The following ANKRD36C variants were observed in gnomAD, a reference collection of about 807,000 sequenced individuals.
ANKRD36C encodes ankyrin repeat domain-containing protein 36C.
In ANKRD36C, 61 loss-of-function variants were observed where a neutral mutation model predicts 276.4. The ratio of observed to expected loss-of-function variants is 0.22; its 90% CI spans 0.18 to 0.27. The LOEUF (loss-of-function observed/expected upper bound fraction) is 0.27, where lower values mean the gene tolerates loss of function less well. Among genes scored for constraint, ANKRD36C ranks in the 10% least tolerant of loss-of-function variants. The probability of loss-of-function intolerance (pLI) is 1.00; values close to 1 mark genes in which losing one functional copy is unlikely to be tolerated. For missense variants in ANKRD36C, 1,447 were observed against 2,032.3 expected, an observed-to-expected ratio of 0.71 and a Z score of 5.54; for synonymous variants, 483 against 680.1, an observed-to-expected ratio of 0.71 and a Z score of 4.51.
chr2:95,931,751 T>C (rs1403051172), intron 24 of ANKRD36C, among the ~76,000 whole-genome samples: 1 of 148,066 alleles, frequency 6.8e-6, no homozygotes. Flanking sequence ...AAGAGCAAAG[T>C]ACATTAGACA....
At chr2:95,887,830 G>A (rs926344298) in intron 50 of ANKRD36C, 95 bp downstream of exon 70, 84 of 1,424,542 alleles carry the variant, frequency 5.9e-5, no homozygotes, top group Non-Finnish European at 7.4e-5. Context: ...ATCAGAATGT[G>A]CAGTTTTGAT....
At chr2:95,908,337 G>C (rs558746903) in intron 42 of ANKRD36C, among the ~76,000 whole-genome samples, 165 bp downstream of exon 48, 1 of 151,046 alleles carries the variant, frequency 6.6e-6, no homozygotes, top group Non-Finnish European at 1.5e-5. Flanking sequence ...TCATGTTCCA[G>C]ACCAGCAGCA....
At chr2:95,870,266 G>A (rs1158685830) in intron 59 of ANKRD36C, among the ~76,000 whole-genome samples, 2 of 152,138 alleles carry the variant, frequency 1.3e-5, no homozygotes, top group Admixed American at 1.3e-4. Flanking sequence ...GGCACCCCCA[G>A]GTAGGGGCAG....
At chr2:95,890,401 T>A (rs368878067) in intron 46 of ANKRD36C, among the ~76,000 whole-genome samples, 1 of 151,536 alleles carries the variant, frequency 6.6e-6, no homozygotes, top group African/African-American at 2.4e-5. Flanking sequence ...ACAATTATAG[T>A]ACAAACATTC....
At chr2:95,963,986 T>TATATATATAA (rs1678526337) in intron 6 of ANKRD36C, among the ~76,000 whole-genome samples, 1 of 19,062 alleles carries the variant, frequency 5.2e-5, no homozygotes, top group Admixed American at 6.2e-4. Context: ...TATATATATA[T>TATATATATAA]ATATATATAT....
chr2:95,874,211 G>T (rs1050448103), intron 59 of ANKRD36C, among the ~76,000 whole-genome samples: 3 of 152,128 alleles, frequency 2.0e-5, no homozygotes, highest in Non-Finnish European at 2.9e-5. Context: ...AAAAGAGCCC[G>T]CATCACCAAG....
At chr2:95,878,790 A>T (rs934277431) in intron 58 of ANKRD36C, among the ~76,000 whole-genome samples, 1 of 152,210 alleles carries the variant, frequency 6.6e-6, no homozygotes, top group East Asian at 1.9e-4. Context: ...AATGGCTTTT[A>T]TCCAAATGGC....
intron 54 of ANKRD36C, among the ~76,000 whole-genome samples, chr2:95,883,848 A>C (rs915693507): frequency 6.6e-6 from 1 of 151,912 alleles, no homozygotes; most frequent in Non-Finnish European, 1.5e-5. Context: ...TCTATACTTC[A>C]TCTCTATCTC....
intron 6 of ANKRD36C, among the ~76,000 whole-genome samples, chr2:95,973,152 A>G (rs1179996330): frequency 3.3e-5 from 5 of 152,050 alleles, no homozygotes; most frequent in Non-Finnish European, 7.4e-5. Context: ...GGTGGCTCAC[A>G]CCTGTAATCC....
rs370478531 is a variant in ANKRD36C at position 95,913,299 on chromosome 2, G to A, written c.2551+809C>T. Among the ~76,000 whole-genome samples the A allele has an allele frequency of 4.0e-4, 61 of 150,808 alleles. 1 individual carries two copies. In the East Asian group the frequency reaches 6.1e-3, roughly 15 times the overall value. On this transcript the variant is annotated intron_variant, in intron 40 of 66. Transcript: ENST00000456556. Reference sequence around the variant, plus strand: ...TGTGTCTAAAATACTCTTGTTGGGAGTATCGTGTTATTCTCTAAAGAAGTT... The same window carrying A: ...TGTGTCTAAAATACTCTTGTTGGGAATATCGTGTTATTCTCTAAAGAAGTT...
Position 95,910,527 on chromosome 2 carries a change from A to G in ANKRD36C, c.2653+1717T>C, listed in dbSNP as rs1480686256. On this transcript the variant is annotated intron_variant, in intron 42 of 66. Coordinates refer to ENST00000456556, the Ensembl canonical transcript of ANKRD36C. Reference sequence around the variant, plus strand: ...CATTAACTCGTTCACAATATAAATGAGAGTTTCATTACCTTCAAGGCTGGT... The same window carrying G: ...CATTAACTCGTTCACAATATAAATGGGAGTTTCATTACCTTCAAGGCTGGT... 3.7e-6 allele frequency: 6 copies of G among 1,606,526 alleles called. No homozygotes were observed. The highest frequency in any genetic ancestry group is 1.8e-4 in the Middle Eastern group (1 of 5,644).
intron 42 of ANKRD36C, among the ~76,000 whole-genome samples, chr2:95,911,521 C>T (rs1182488758): frequency 6.6e-6 from 1 of 151,490 alleles, no homozygotes; most frequent in South Asian, 2.1e-4. Context: ...TAGTCATATT[C>T]AAGTTTATCT....
intron 40 of ANKRD36C, 134 bp downstream of exon 42, chr2:95,913,974 A>T (rs1002306829): frequency 3.0e-6 from 3 of 992,286 alleles, no homozygotes; most frequent in African/African-American, 3.3e-5. Context: ...CCAAGAACTT[A>T]TTTGAAATGA....
intron 24 of ANKRD36C, among the ~76,000 whole-genome samples, chr2:95,932,766 A>G (rs1194788264): frequency 6.6e-6 from 1 of 152,208 alleles, no homozygotes; most frequent in Admixed American, 6.5e-5. Context: ...AAACCGCACA[A>G]GTTCCTTAGT....
chr2:95,892,316 A>T (rs1018650641), intron 44 of ANKRD36C, among the ~76,000 whole-genome samples: 1 of 151,530 alleles, frequency 6.6e-6, no homozygotes, highest in East Asian at 1.9e-4. Flanking sequence ...ATGAGAAGGC[A>T]CACAATTACG....
At chr2:95,954,331 C>A (rs992173694) in intron 13 of ANKRD36C, among the ~76,000 whole-genome samples, 1 of 152,030 alleles carries the variant, frequency 6.6e-6, no homozygotes, top group Non-Finnish European at 1.5e-5. Context: ...AAATTATCTA[C>A]CATAAAGGCT....
intron 50 of ANKRD36C, among the ~76,000 whole-genome samples, chr2:95,886,475 A>G (rs1453722887): frequency 3.3e-5 from 5 of 151,636 alleles, no homozygotes; most frequent in African/African-American, 1.2e-4. Context: ...ATGATTTGTC[A>G]TATGACTAAA....
At chr2:95,880,851 C>T (rs1037036945) in intron 56 of ANKRD36C, among the ~76,000 whole-genome samples, 3 of 152,122 alleles carry the variant, frequency 2.0e-5, no homozygotes, top group African/African-American at 7.2e-5. Flanking sequence ...TGAGATTATG[C>T]ACCACATCTA....
chr2:95,956,742 T>C (rs1678336747), intron 13 of ANKRD36C, 44 bp downstream of exon 13: 7 of 1,505,112 alleles, frequency 4.7e-6, no homozygotes, highest in Non-Finnish European at 6.2e-6. Context: ...TTCTCTCTAT[T>C]AACTAAGTTA....
Sources: allele counts gnomAD v4.1 joint callset (sites outside exome capture counted in the v4.1 genomes callset), GRCh38; gene constraint gnomAD v4.1.1; transcripts MANE v1.5; gene names NCBI Gene and HGNC (gene_info 2026-07-23, HGNC 2026-07-21).